Variants in GABRG3 observed in about 807,000 individuals in gnomAD.
GABRG3 encodes the protein gamma-aminobutyric acid type A receptor subunit gamma3.
A neutral mutation model predicts 48.8 loss-of-function variants in GABRG3; 25 were observed. That is an observed-to-expected ratio of 0.51 (90% CI 0.37 to 0.72). The LOEUF (loss-of-function observed/expected upper bound fraction) is 0.72, where lower values mean the gene tolerates loss of function less well. Ranked by LOEUF, GABRG3 falls within the 30% of genes least tolerant of loss-of-function variation. The probability of loss-of-function intolerance (pLI) is 0.00; values close to 1 mark genes in which losing one functional copy is unlikely to be tolerated. For missense variants in GABRG3, 394 were observed against 577.9 expected, an observed-to-expected ratio of 0.68 and a Z score of 3.26; for synonymous variants, 227 against 217.6, an observed-to-expected ratio of 1.04 and a Z score of -0.38.
intron 2 of GABRG3, among the ~76,000 whole-genome samples, chr15:27,017,440 A>T (rs1895800731): frequency 6.6e-6 from 1 of 152,056 alleles, no homozygotes; most frequent in Non-Finnish European, 1.5e-5. Context: ...ATTCCATCGT[A>T]CTGCAGACTC....
intron 2 of GABRG3, among the ~76,000 whole-genome samples, chr15:27,019,844 A>T (rs1249012440): frequency 6.6e-6 from 1 of 152,196 alleles, no homozygotes. Flanking sequence ...ATCTTCTGAA[A>T]ATTCATGTGC....
At chr15:27,309,002 T>A (rs915987496) in intron 3 of GABRG3, among the ~76,000 whole-genome samples, 1 of 150,366 alleles carries the variant, frequency 6.7e-6, no homozygotes, top group Non-Finnish European at 1.5e-5. Context: ...ACACATATAA[T>A]GTAAAAATAT....
At chr15:27,415,807 G>A (rs758635273) in intron 5 of GABRG3, among the ~76,000 whole-genome samples, 2 of 152,160 alleles carry the variant, frequency 1.3e-5, no homozygotes, top group Non-Finnish European at 2.9e-5. Flanking sequence ...TGGAAGTGGG[G>A]CCATGCAAGA....
intron 3 of GABRG3, among the ~76,000 whole-genome samples, chr15:27,227,753 C>T (rs946943818): frequency 1.3e-5 from 2 of 151,692 alleles, no homozygotes; most frequent in African/African-American, 2.4e-5. Context: ...TAGATTTTAC[C>T]CATGGAAATA....
chr15:27,309,931 A>C (rs1892938367), intron 3 of GABRG3, among the ~76,000 whole-genome samples: 1 of 152,098 alleles, frequency 6.6e-6, no homozygotes, highest in Non-Finnish European at 1.5e-5. Context: ...CCTTAATGTG[A>C]TGGATGGATA....
intron 3 of GABRG3, among the ~76,000 whole-genome samples, chr15:27,046,179 C>T (rs756417993): frequency 2.0e-5 from 3 of 152,074 alleles, no homozygotes; most frequent in African/African-American, 7.2e-5. Context: ...CCGCAACGTC[C>T]GTCTCCGGGG....
chr15:27,228,909 T>G (rs759212586), intron 3 of GABRG3, among the ~76,000 whole-genome samples: 5 of 152,278 alleles, frequency 3.3e-5, no homozygotes, highest in East Asian at 1.9e-4. Flanking sequence ...TTTAATGGGG[T>G]TTTTTGTTTT....
At chr15:27,165,149 G>C (rs1352046821) in intron 3 of GABRG3, among the ~76,000 whole-genome samples, 1 of 152,154 alleles carries the variant, frequency 6.6e-6, no homozygotes, top group Admixed American at 6.5e-5. Flanking sequence ...ACCATTCAGG[G>C]CTATTTAGTT....
intron 3 of GABRG3, among the ~76,000 whole-genome samples, chr15:27,280,989 A>G (rs530619474): frequency 6.6e-6 from 1 of 152,176 alleles, no homozygotes; most frequent in South Asian, 2.1e-4. Flanking sequence ...TTTGTTTCAT[A>G]TATTTGAATC....
At chr15:27,492,103 C>T (rs567196095) in intron 6 of GABRG3, among the ~76,000 whole-genome samples, 5 of 152,096 alleles carry the variant, frequency 3.3e-5, no homozygotes, top group Admixed American at 6.6e-5. Flanking sequence ...CAGAATTGCA[C>T]GGCATTGTGA....
chr15:27,145,607 A>ATCTATC (rs1297893888), intron 3 of GABRG3, among the ~76,000 whole-genome samples: 8 of 95,572 alleles, frequency 8.4e-5, no homozygotes, highest in South Asian at 6.9e-4. Context: ...ATCTATCTCT[A>ATCTATC]TCTATCTATC....
rs146263930 is a variant in GABRG3, at chr15:27,435,512, C to T, written c.575-45138C>T. On this transcript the variant is annotated intron_variant, in intron 5 of 9. Transcript: ENST00000615808. Reference sequence around the variant, plus strand: ...CACTGACCCTGCTTCTGGGCTTGCACATTCTGCCACTGAGGATTATTGCTG... The same window carrying T: ...CACTGACCCTGCTTCTGGGCTTGCATATTCTGCCACTGAGGATTATTGCTG... 2.8e-3 allele frequency among the ~76,000 whole-genome samples: 429 copies of T among 152,284 alleles called. 1 individual carries two copies. The highest frequency in any genetic ancestry group is 9.7e-3 in the African/African-American group (402 of 41,562).
intron 3 of GABRG3, among the ~76,000 whole-genome samples, chr15:27,057,425 G>A (rs901393462): frequency 6.6e-5 from 10 of 152,198 alleles, no homozygotes; most frequent in African/African-American, 2.4e-4. Flanking sequence ...ATTTTTAGGA[G>A]AAAATGGTAA....
intron 5 of GABRG3, among the ~76,000 whole-genome samples, chr15:27,389,216 G>A (rs779642645): frequency 6.6e-6 from 1 of 152,134 alleles, no homozygotes; most frequent in Non-Finnish European, 1.5e-5. Context: ...AAATACGAAT[G>A]AAAGCAACAG....
At chr15:27,249,818 T>C (rs1890397502) in intron 3 of GABRG3, among the ~76,000 whole-genome samples, 1 of 152,192 alleles carries the variant, frequency 6.6e-6, no homozygotes, top group South Asian at 2.1e-4. Flanking sequence ...TCAATGATAC[T>C]TCACTTAGCT....
In GABRG3 at chr15:27,352,613, C is replaced by T. The variant is rs1894660633; in HGVS notation, c.574+23725C>T. Among the ~76,000 whole-genome samples, 1 of 152,114 alleles carries T rather than the reference C, an allele frequency of 6.6e-6. No individual in the cohort carries two copies. The highest frequency in any genetic ancestry group is 6.5e-5 in the Admixed American group (1 of 15,286). ...TGGGACAGGCGCTCACACCACCCCA[C>T]ACTGCCCCGGGGAGGCAGGCCAAGG... On this transcript the variant is annotated intron_variant, in intron 5 of 9. Coordinates refer to ENST00000615808, the MANE Select transcript of GABRG3 (RefSeq NM_033223.5). The surrounding 1 kb of genome is among the most constrained non-coding windows in gnomAD (Gnocchi z 4.0).
intron 3 of GABRG3, among the ~76,000 whole-genome samples, chr15:27,248,805 G>C (rs9646241): frequency 0.31 from 23,964 of 77,116 alleles, 1,993 homozygotes; most frequent in East Asian, 0.54. Context: ...CACACACACA[G>C]AGAGAGAGAG....
intron 2 of GABRG3, among the ~76,000 whole-genome samples, chr15:26,988,500 TC>T (rs1314096308): frequency 6.6e-6 from 1 of 152,126 alleles, no homozygotes; most frequent in Non-Finnish European, 1.5e-5. Flanking sequence ...CGTCTTTCCA[TC>T]CTTTTACTTT....
chr15:27,313,047 T>G (rs201201278), intron 3 of GABRG3, among the ~76,000 whole-genome samples: 1 of 148,354 alleles, frequency 6.7e-6, no homozygotes, highest in Non-Finnish European at 1.5e-5. Context: ...AAAAAAAAAC[T>G]CCATGCAAAT....
Sources: gnomAD v4.1 joint callset for allele counts (sites outside exome capture counted in the v4.1 genomes callset) on GRCh38, gnomAD v4.1.1 for gene constraint, Gnocchi (gnomAD v3.1) non-coding constraint, MANE v1.5 for transcripts, NCBI Gene and HGNC (gene_info 2026-07-23, HGNC 2026-07-21) for gene names.